NLGN1: variants seen among roughly 807,000 people sequenced by gnomAD.
NLGN1 encodes neuroligin-1.
NLGN1 carries 12 observed loss-of-function variants against 65.5 expected under a neutral mutation model. The observed-to-expected ratio is 0.18, with a 90% confidence interval of 0.12 to 0.30. The LOEUF is 0.30. NLGN1 is among the 10% of genes least tolerant of loss of function. The pLI is 1.00. For synonymous variants in NLGN1, 350 were observed against 359.5 expected (o/e 0.97, Z 0.30); for missense variants, 750 against 1,007.1 (o/e 0.74, Z 3.46).
chr3:174,195,162 A>G (rs1225500715), intron 4 of NLGN1, among the ~76,000 whole-genome samples: 3 of 152,106 alleles, frequency 2.0e-5, no homozygotes, highest in Non-Finnish European at 4.4e-5. Flanking sequence ...CCCCCAGCCA[A>G]AGATCATGTT....
intron 3 of NLGN1, among the ~76,000 whole-genome samples, chr3:173,761,014 T>C (rs1362647416): frequency 6.6e-6 from 1 of 152,052 alleles, no homozygotes; most frequent in African/African-American, 2.4e-5. Context: ...TTAGAGAAAC[T>C]GATTGTGGTA....
chr3:174,182,228 G>C (rs1330147635), intron 4 of NLGN1, among the ~76,000 whole-genome samples: 1 of 151,604 alleles, frequency 6.6e-6, no homozygotes, highest in African/African-American at 2.4e-5. Context: ...TTTTTCACTT[G>C]GACAATATTG....
At chr3:173,415,542 T>C (rs1241728473) in intron 1 of NLGN1, among the ~76,000 whole-genome samples, 1 of 148,582 alleles carries the variant, frequency 6.7e-6, no homozygotes, top group Non-Finnish European at 1.5e-5. Context: ...CGTATGCTAA[T>C]GATTGCTGAA....
intron 2 of NLGN1, among the ~76,000 whole-genome samples, chr3:173,502,386 A>G (rs1731284061): frequency 6.6e-6 from 1 of 152,122 alleles, no homozygotes; most frequent in South Asian, 2.1e-4. Context: ...GTGAACTCTT[A>G]GATGACACAA....
chr3:174,178,707 G>C (rs1729880190), intron 4 of NLGN1, among the ~76,000 whole-genome samples: 2 of 151,786 alleles, frequency 1.3e-5, no homozygotes, highest in African/African-American at 4.8e-5. Flanking sequence ...TTTTTTCCAA[G>C]ATACATTAAA....
chr3:173,846,497 T>A (rs925249616), intron 4 of NLGN1, among the ~76,000 whole-genome samples: 3 of 152,168 alleles, frequency 2.0e-5, no homozygotes, highest in African/African-American at 7.2e-5. Context: ...GACCTAAGCC[T>A]AGATTAAAAT....
Position 174,095,956 on chromosome 3 carries a change from C to T in NLGN1, c.647-179359C>T, listed in dbSNP as rs762321237. Reference sequence around the variant, plus strand: ...CAGAGGTTGCAGTGAGCCAAGATCGCGCCACTGCACTCCAGCCTGGGTGAC... The same window carrying T: ...CAGAGGTTGCAGTGAGCCAAGATCGTGCCACTGCACTCCAGCCTGGGTGAC... On this transcript the variant is annotated intron_variant, in intron 4 of 6. Transcript: ENST00000457714. Among the ~76,000 whole-genome samples the T allele has an allele frequency of 9.9e-5, 15 of 151,736 alleles. 1 individual carries two copies. The South Asian group carries it at 1.2e-3, about 13-fold the overall frequency.
intron 4 of NLGN1, among the ~76,000 whole-genome samples, chr3:173,948,530 AG>A (rs1008535719): frequency 2.6e-5 from 4 of 152,206 alleles, no homozygotes. Context: ...TAGAAGGGTG[AG>A]TAAATGGACA....
intron 3 of NLGN1, chr3:173,800,355 A>AT (rs1238520259): frequency 1.1e-4 from 130 of 1,177,334 alleles, no homozygotes; most frequent in East Asian, 2.1e-4. Context: ...AGATGAAGGT[A>AT]TTTTTTTTCA....
intron 4 of NLGN1, among the ~76,000 whole-genome samples, chr3:173,812,221 T>C (rs1718090028): frequency 6.6e-6 from 1 of 152,210 alleles, no homozygotes; most frequent in African/African-American, 2.4e-5. Flanking sequence ...CCTACTTATA[T>C]TTAAACAATT....
At chr3:173,477,704 C>G (rs1726479174) in intron 2 of NLGN1, among the ~76,000 whole-genome samples, 1 of 151,754 alleles carries the variant, frequency 6.6e-6, no homozygotes, top group African/African-American at 2.4e-5. Flanking sequence ...TTAAGAAGTT[C>G]ATCATGCATT....
chr3:173,513,240 A>G (rs1733278808), intron 2 of NLGN1, among the ~76,000 whole-genome samples: 1 of 151,406 alleles, frequency 6.6e-6, no homozygotes, highest in Non-Finnish European at 1.5e-5. Context: ...TTTTCCTTTG[A>G]TAATTGCTGT....
At chr3:174,251,564 G>GA (rs901755009) in intron 4 of NLGN1, among the ~76,000 whole-genome samples, 10 of 152,014 alleles carry the variant, frequency 6.6e-5, no homozygotes, top group Non-Finnish European at 1.5e-4. Context: ...GATAAGCTTG[G>GA]AAAAAAAGTT....
At chr3:173,428,530 CAAATA>C (rs544089343) in intron 1 of NLGN1, among the ~76,000 whole-genome samples, 16 of 151,254 alleles carry the variant, frequency 1.1e-4, no homozygotes, top group African/African-American at 3.9e-4. Context: ...AACTTTGACT[CAAATA>C]AAAGAAAAAA....
At chr3:173,525,723 G>A (rs567482157) in intron 2 of NLGN1, among the ~76,000 whole-genome samples, 2 of 152,182 alleles carry the variant, frequency 1.3e-5, no homozygotes, top group East Asian at 1.9e-4. Context: ...TCTTTCTGAT[G>A]TAGGCATTTA....
intron 3 of NLGN1, among the ~76,000 whole-genome samples, chr3:173,632,108 TACA>T (rs1755778125): frequency 1.3e-5 from 2 of 152,142 alleles, no homozygotes; most frequent in Non-Finnish European, 2.9e-5. Flanking sequence ...TGTTTTCAGA[TACA>T]TCTGCAGTGT....
At chr3:173,495,421 TAGG>T (rs1729843777) in intron 2 of NLGN1, among the ~76,000 whole-genome samples, 2 of 151,716 alleles carry the variant, frequency 1.3e-5, no homozygotes, top group Non-Finnish European at 2.9e-5. Context: ...TTCATATCAT[TAGG>T]AAATATAGGT....
At chr3:174,219,746 C>T (rs1415090355) in intron 4 of NLGN1, among the ~76,000 whole-genome samples, 1 of 152,104 alleles carries the variant, frequency 6.6e-6, no homozygotes, top group African/African-American at 2.4e-5. Flanking sequence ...CATAAACGTT[C>T]ATTGATGTGA....
At chr3:174,079,177 GAA>G (rs1741626734) in intron 4 of NLGN1, among the ~76,000 whole-genome samples, 1 of 151,110 alleles carries the variant, frequency 6.6e-6, no homozygotes, top group African/African-American at 2.4e-5. Flanking sequence ...ACAAGACACT[GAA>G]AAAAATTTAC....
Sources: allele counts gnomAD v4.1 joint callset (sites outside exome capture counted in the v4.1 genomes callset), GRCh38; gene constraint gnomAD v4.1.1; transcripts MANE v1.5; gene names NCBI Gene and HGNC (gene_info 2026-07-23, HGNC 2026-07-21).